Variants in HMGB2 observed in about 807,000 individuals in gnomAD.
HMGB2 encodes high mobility group protein B2.
In HMGB2, 2 loss-of-function variants were observed where a neutral mutation model predicts 23.0. The ratio of observed to expected loss-of-function variants is 0.09; its 90% CI spans 0.04 to 0.27. HMGB2 has a LOEUF of 0.27. Ranked by LOEUF, HMGB2 falls within the 10% of genes least tolerant of loss-of-function variation. The pLI is 1.00. For missense variants in HMGB2, 178 were observed against 256.5 expected (o/e 0.69, Z 2.09); for synonymous variants, 99 against 87.5 (o/e 1.13, Z -0.73).
chr4:173,333,451 C>A lies in HMGB2; in HGVS notation c.150+49G>T. 6.3e-7 allele frequency: 1 copy of A among 1,581,626 alleles called. No individual in the cohort carries two copies. The highest frequency in any genetic ancestry group is 8.6e-7 in the Non-Finnish European group (1 of 1,162,614). On this transcript the variant is annotated intron_variant, in intron 2 of 4. Transcript: ENST00000296503. This position sits in a 1 kb window ranked among gnomAD's most constrained non-coding sequence, Gnocchi z 4.6. ...TACTACCTGCCTAAGGCCCTCCTAGCCGAAAACCACACCTGCACCCCCTGA... is the reference window on the plus strand; with the variant it reads ...TACTACCTGCCTAAGGCCCTCCTAGACGAAAACCACACCTGCACCCCCTGA...
chr4:173,332,188 G>A lies in HMGB2; in HGVS notation c.522C>T (p.Gly174=), dbSNP rs1578933882. 1 of 1,611,268 alleles carries A rather than the reference G, an allele frequency of 6.2e-7. No homozygotes were observed. The highest frequency in any genetic ancestry group is 1.3e-5 in the African/African-American group (1 of 74,750). ...AKGKSEAGKK[G]PGRPTGSKKK... is the part of the protein sequence containing the mutation. ...TCTTTGAGCCTGTTGGCCTGCCAGG[G>A]CCCTTCTTTCCTGCTTCACTTTTGC... is the stretch of plus-strand genomic sequence containing the variant. The change falls in exon 5 of 5, where the codon GGC becomes GGT. Residue 174 remains glycine, a synonymous_variant. Coordinates refer to ENST00000296503, the MANE Select transcript of HMGB2 (RefSeq NM_002129.4).
At position 173,333,639 on chromosome 4, in the gene HMGB2, C is replaced by G; in HGVS notation, c.11G>C (p.Gly4Ala). Residue 4 changes from glycine to alanine, a missense_variant, in exon 2 of 5, where the codon GGA becomes GCA. Physicochemically the swap from Gly to Ala is moderately conservative, Grantham distance 60. Coordinates refer to ENST00000296503, the MANE Select transcript of HMGB2 (RefSeq NM_002129.4). The surrounding 1 kb of genome is among the most constrained non-coding windows in gnomAD (Gnocchi z 4.6). MGK[G>A]DPNKPRGKMS... ...TTTGCCCCGCGGCTTGTTGGGGTCTCCTTTACCCATGTTGACAGATCCGCG... is the reference window on the plus strand; with the variant it reads ...TTTGCCCCGCGGCTTGTTGGGGTCTGCTTTACCCATGTTGACAGATCCGCG... 2 of 1,613,456 alleles carry G rather than the reference C, an allele frequency of 1.2e-6. No homozygotes were observed. The highest frequency in any genetic ancestry group is 8.5e-7 in the Non-Finnish European group (1 of 1,179,638).
Position 173,333,229 on chromosome 4 carries a change from T to A in HMGB2, c.151-15A>T. 6.2e-7 allele frequency: 1 copy of A among 1,603,204 alleles called. No individual in the cohort carries two copies. The highest frequency in any genetic ancestry group is 1.8e-5 in the Admixed American group (1 of 56,842). On this transcript the variant is annotated splice_polypyrimidine_tract_variant and intron_variant, in intron 2 of 4. Coordinates refer to ENST00000296503, the MANE Select transcript of HMGB2 (RefSeq NM_002129.4). The surrounding 1 kb of genome is among the most constrained non-coding windows in gnomAD (Gnocchi z 4.6). The stretch of plus-strand genomic sequence containing the variant: ...GCAGACATGGTCTGTGGACATAAAA[T>A]AAGAGCCAAAAATACAGCAAAATTG...
In HMGB2 at chr4:173,332,002, A is replaced by C; in HGVS notation, c.*78T>G. The stretch of plus-strand genomic sequence containing the variant: ...TATACTGAAGCTAGTATTGAGCTGC[A>C]CTTGAATTCACATTCTTAGCAAAAT... On this transcript the variant is annotated 3_prime_UTR_variant, in exon 5 of 5. Transcript: ENST00000296503. 1 of 1,594,978 alleles carries C rather than the reference A, an allele frequency of 6.3e-7. No homozygotes were observed. The highest frequency in any genetic ancestry group is 8.5e-7 in the Non-Finnish European group (1 of 1,170,254).
In HMGB2 at chr4:173,333,605, C is replaced by A. The variant is rs758411528; in HGVS notation, c.45G>T (p.Ser15=). 5.6e-6 allele frequency: 9 copies of A among 1,613,994 alleles called. No individual in the cohort carries two copies. The highest frequency in any genetic ancestry group is 4.0e-5 in the African/African-American group (3 of 74,932). ...GGCAGGTCTGCACGAAGAAGGCGTA[C>A]GAGGACATTTTGCCCCGCGGCTTGT... The part of the protein sequence containing the change: ...DPNKPRGKMS[S]YAFFVQTCRE... The change falls in exon 2 of 5, where the codon TCG becomes TCT. Residue 15 remains serine, a synonymous_variant. Coordinates refer to ENST00000296503, the MANE Select transcript of HMGB2 (RefSeq NM_002129.4). The surrounding 1 kb of genome is among the most constrained non-coding windows in gnomAD (Gnocchi z 4.6).
At position 173,331,379 on chromosome 4, in the gene HMGB2, T is replaced by TATATATAC. The variant is rs1738086578; in HGVS notation, c.*700_*701insGTATATAT. Among the ~76,000 whole-genome samples the TATATATAC allele has an allele frequency of 7.3e-6, 1 of 136,284 alleles. No homozygotes were observed. The highest frequency in any genetic ancestry group is 3.2e-5 in the African/African-American group (1 of 31,376). The allele number at this position is 136,284 out of a possible 152,430, so 89.4% of individuals were successfully genotyped here. A position where few individuals can be genotyped will look rare whatever the true frequency, so the allele number is the denominator to read the frequency against. ...GTATATATGTGTATATATATACATA[T>TATATATAC]ATATATATATATATATGTATATATA... On this transcript the variant is annotated 3_prime_UTR_variant, in exon 5 of 5. Transcript: ENST00000296503.
Position 173,332,948 on chromosome 4 carries a change from C to T in HMGB2, c.344G>A (p.Ser115Asn), listed in dbSNP as rs759963246. ...FCSEHRPKIK[S>N]EHPGLSIGDT... ...CCCAATGGATAGGCCAGGGTGTTCA[C>T]TTTTGATCTTTGGGCGATGTTCAGA... The change falls in exon 4 of 5, where the codon AGT (serine) becomes AAT (asparagine). Residue 115 changes from serine (S) to asparagine (N), a missense_variant. Ser to Asn is a conservative substitution (Grantham distance 46). Transcript: ENST00000296503. 72 of 1,614,060 alleles carry T rather than the reference C, an allele frequency of 4.5e-5. No individual in the cohort carries two copies. The highest frequency in any genetic ancestry group is 5.7e-5 in the Non-Finnish European group (67 of 1,180,042).
intron 4 of HMGB2, 141 bp from the exon 5 acceptor site, chr4:173,332,379 C>T (rs972968726): frequency 9.6e-6 from 6 of 625,082 alleles, no homozygotes; most frequent in African/African-American, 9.3e-5. Flanking sequence ...TTTTAGAGCA[C>T]TTATCCCACT....
In HMGB2 at chr4:173,333,912, C is replaced by A. The variant is rs1416698920; in HGVS notation, c.-20-243G>T. On this transcript the variant is annotated intron_variant, in intron 1 of 4. Transcript: ENST00000296503. This position sits in a 1 kb window ranked among gnomAD's most constrained non-coding sequence, Gnocchi z 4.6. ...GGCCGCGGCTCAGCCCAGCAAGTGG[C>A]TCCCGGGGCCCGAGACGCCGCCGCC... The A allele has an allele frequency of 8.4e-6, 2 of 239,160 alleles. No homozygotes were observed. The highest frequency in any genetic ancestry group is 1.6e-5 in the Non-Finnish European group (2 of 124,614). The allele number at this position is 239,160 out of a possible 1,614,324, so 14.8% of individuals were successfully genotyped here.
rs2126889496 is a variant in HMGB2, at chr4:173,333,921, C to A, written c.-20-252G>T. The A allele has an allele frequency of 4.4e-6, 1 of 227,624 alleles. No individual in the cohort carries two copies. Among genetic ancestry groups the A allele is most frequent in the Non-Finnish European group, 8.5e-6 (1 of 117,180 alleles). The allele number at this position is 227,624 out of a possible 1,614,324, so 14.1% of individuals were successfully genotyped here. A position where few individuals can be genotyped will look rare whatever the true frequency, so the allele number is the denominator to read the frequency against. ...TCAGCCCAGCAAGTGGCTCCCGGGGCCCGAGACGCCGCCGCCCGCCCTTCA... is the reference window on the plus strand; with the variant it reads ...TCAGCCCAGCAAGTGGCTCCCGGGGACCGAGACGCCGCCGCCCGCCCTTCA... On this transcript the variant is annotated intron_variant, in intron 1 of 4. Coordinates refer to ENST00000296503, the MANE Select transcript of HMGB2 (RefSeq NM_002129.4). The surrounding 1 kb of genome is among the most constrained non-coding windows in gnomAD (Gnocchi z 4.6).
chr4:173,332,771 A>G (rs1451416052), intron 4 of HMGB2, 50 bp downstream of exon 4: 2 of 1,508,766 alleles, frequency 1.3e-6, no homozygotes, highest in Admixed American at 3.5e-5. Context: ...TTCTACAGTT[A>G]TTACCTATAC....
In HMGB2 at chr4:173,332,854, C is replaced by T. The variant is rs771960778; in HGVS notation, c.438G>A (p.Gln146=). ...QSAKDKQPYE[Q]KAAKLKEKYE... is the part of the protein sequence containing the mutation. ...ATTTCTCCTTTAGCTTAGCTGCTTT[C>T]TGTTCATATGGTTGTTTATCTTTGG... Residue 146 remains glutamine (Q), a synonymous_variant, in exon 4 of 5, where the codon CAG becomes CAA. Transcript: ENST00000296503. The T allele has an allele frequency of 1.2e-6, 2 of 1,614,180 alleles. No homozygotes were observed. Among genetic ancestry groups the T allele is most frequent in the Non-Finnish European group, 1.7e-6 (2 of 1,180,016 alleles).
chr4:173,333,622 G>A lies in HMGB2; in HGVS notation c.28C>T (p.Arg10Trp). The A allele has an allele frequency of 6.2e-7, 1 of 1,614,000 alleles. No individual in the cohort carries two copies. Among genetic ancestry groups the A allele is most frequent in the Non-Finnish European group, 8.5e-7 (1 of 1,179,922 alleles). Residue 10 changes from arginine (R) to tryptophan (W), a missense_variant, in exon 2 of 5, where the codon CGG becomes TGG. Around this residue, in one of 3 missense-constraint regions of HMGB2, gnomAD observed 90 missense variants for 114.4 expected, o/e 0.79. Transcript: ENST00000296503. This position sits in a 1 kb window ranked among gnomAD's most constrained non-coding sequence, Gnocchi z 4.6. ...AAGGCGTACGAGGACATTTTGCCCC[G>A]CGGCTTGTTGGGGTCTCCTTTACCC... MGKGDPNKP[R>W]GKMSSYAFFV... is the part of the protein sequence containing the mutation.
chr4:173,333,540 T>A lies in HMGB2; in HGVS notation c.110A>T (p.Asn37Ile). The A allele has an allele frequency of 1.9e-6, 3 of 1,614,130 alleles. No homozygotes were observed. Among genetic ancestry groups the A allele is most frequent in the Non-Finnish European group, 2.5e-6 (3 of 1,179,986 alleles). The change falls in exon 2 of 5, where the codon AAT (asparagine) becomes ATT (isoleucine). Residue 37 changes from asparagine (N) to isoleucine (I), a missense_variant. Around this residue, in one of 3 missense-constraint regions of HMGB2, gnomAD observed 90 missense variants for 114.4 expected, o/e 0.79. Coordinates refer to ENST00000296503, the MANE Select transcript of HMGB2 (RefSeq NM_002129.4). The surrounding 1 kb of genome is among the most constrained non-coding windows in gnomAD (Gnocchi z 4.6). Reference sequence around the variant, plus strand: ...ACACTTCTTGGAGAATTCCGCGAAATTGACGGAAGAGTCCGGGTGTTTCTT... The same window carrying A: ...ACACTTCTTGGAGAATTCCGCGAAAATGACGGAAGAGTCCGGGTGTTTCTT... ...HKKKHPDSSVNFAEFSKKCSE... is the reference protein window; with the variant it reads ...HKKKHPDSSVIFAEFSKKCSE...
chr4:173,332,026 A>T lies in HMGB2; in HGVS notation c.*54T>A. Reference sequence around the variant, plus strand: ...CACTTGAATTCACATTCTTAGCAAAATAATTGCCTGAGCACACACACACAT... The same window carrying T: ...CACTTGAATTCACATTCTTAGCAAATTAATTGCCTGAGCACACACACACAT... On this transcript the variant is annotated 3_prime_UTR_variant, in exon 5 of 5. Transcript: ENST00000296503. 1 of 1,606,766 alleles carries T rather than the reference A, an allele frequency of 6.2e-7. No individual in the cohort carries two copies. The highest frequency in any genetic ancestry group is 1.3e-5 in the African/African-American group (1 of 74,810).
rs33987506 is a variant in HMGB2 at position 173,331,394 on chromosome 4, A to ATATATATGTG, written c.*685_*686insCACATATATA. ...TATATACATATATATATATATATAT[A>ATATATATGTG]TGTATATATATATACACACACCTGA... On this transcript the variant is annotated 3_prime_UTR_variant, in exon 5 of 5. Transcript: ENST00000296503. 7.2e-5 allele frequency among the ~76,000 whole-genome samples: 10 copies of ATATATATGTG among 138,878 alleles called. No individual in the cohort carries two copies. The South Asian group carries it at 1.3e-3, about 18-fold the overall frequency. The allele number at this position is 138,878 out of a possible 152,430, so 91.1% of individuals were successfully genotyped here.
In HMGB2 at chr4:173,333,100, T is replaced by G; in HGVS notation, c.265A>C (p.Lys89Gln). ...VPPKGDKKGK[K>Q]KDPNAPKRPP... ...CTTTTAGGAGCATTGGGGTCCTTTT[T>G]CTTCCCCTTCTTATCACCTTTGGGA... Residue 89 changes from lysine to glutamine, a missense_variant, in exon 3 of 5, where the codon AAA (lysine) becomes CAA (glutamine). Lys to Gln is a moderately conservative substitution (Grantham distance 53, BLOSUM62 1). Around this residue, in one of 3 missense-constraint regions of HMGB2, gnomAD observed 90 missense variants for 114.4 expected, o/e 0.79. Transcript: ENST00000296503. The surrounding 1 kb of genome is among the most constrained non-coding windows in gnomAD (Gnocchi z 4.6). 6.2e-7 allele frequency: 1 copy of G among 1,614,020 alleles called. No individual in the cohort carries two copies. The highest frequency in any genetic ancestry group is 8.5e-7 in the Non-Finnish European group (1 of 1,179,990).
intron 4 of HMGB2, 82 bp downstream of exon 4, chr4:173,332,739 G>T: frequency 8.1e-7 from 1 of 1,234,154 alleles, no homozygotes; most frequent in South Asian, 1.4e-5. Flanking sequence ...ATTAATACAA[G>T]ATTAACTAAA....
Position 173,333,122 on chromosome 4 carries a change from G to T in HMGB2, c.243C>A (p.Pro81=). 2 of 1,614,082 alleles carry T rather than the reference G, an allele frequency of 1.2e-6. No homozygotes were observed. ...TTTTCTTCCCCTTCTTATCACCTTT[G>T]GGAGGAACGTAATTTTTCATCTCCC... ...YDREMKNYVP[P]KGDKKGKKKD... The change falls in exon 3 of 5, where the codon CCC becomes CCA. Residue 81 remains proline, a synonymous_variant. Transcript: ENST00000296503. This position sits in a 1 kb window ranked among gnomAD's most constrained non-coding sequence, Gnocchi z 4.6.
Sources: gnomAD v4.1 joint callset for allele counts (sites outside exome capture counted in the v4.1 genomes callset) on GRCh38, gnomAD v4.1.1 for gene constraint, gnomAD v4.1.1 regional missense constraint, Gnocchi (gnomAD v3.1) non-coding constraint, MANE v1.5 for transcripts, NCBI Gene and HGNC (gene_info 2026-07-23, HGNC 2026-07-21) for gene names.